The following CACNG6 variants were observed in gnomAD, a reference collection of about 807,000 sequenced individuals.
The protein encoded by CACNG6 is voltage-dependent calcium channel gamma-6 subunit.
Under a neutral mutation model 23.9 loss-of-function variants are expected in CACNG6, and 21 were observed. That is an observed-to-expected ratio of 0.88 (90% CI 0.62 to 1.26). The LOEUF is 1.26. Ranked by LOEUF, CACNG6 falls within the 50% of genes most tolerant of loss-of-function variation. The pLI, the probability that CACNG6 is intolerant of heterozygous loss-of-function variation, is 0.00. For missense variants in CACNG6, 340 were observed against 352.9 expected, an observed-to-expected ratio of 0.96 and a Z score of 0.29; for synonymous variants, 182 against 168.9, an observed-to-expected ratio of 1.08 and a Z score of -0.60.
intron 2 of CACNG6, among the ~76,000 whole-genome samples, chr19:53,999,412 C>G (rs890205523): frequency 6.6e-6 from 1 of 152,180 alleles, no homozygotes; most frequent in Non-Finnish European, 1.5e-5. Context: ...AATCCTGGCC[C>G]TCTCCTCCCT....
In CACNG6 at chr19:53,993,311, G is replaced by T. The variant is rs188518348; in HGVS notation, c.331+103G>T. The T allele has an allele frequency of 3.5e-4, 425 of 1,210,782 alleles. 2 individuals carry two copies. In the East Asian group the frequency reaches 9.8e-3, roughly 28 times the overall value. The allele number at this position is 1,210,782 out of a possible 1,614,324, so 75.0% of individuals were successfully genotyped here. A position where few individuals can be genotyped will look rare whatever the true frequency, so the allele number is the denominator to read the frequency against. On this transcript the variant is annotated intron_variant, in intron 1 of 3. Coordinates refer to ENST00000252729, the MANE Select transcript of CACNG6 (RefSeq NM_145814.2). ...ACCCGCCCCAGGGACAAAAGCCTGA[G>T]CCCGGAGGAGACAGCTTGCCTCGCA...
chr19:53,994,784 C>T (rs1213920448), intron 1 of CACNG6, among the ~76,000 whole-genome samples: 1 of 152,162 alleles, frequency 6.6e-6, no homozygotes, highest in African/African-American at 2.4e-5. Context: ...AGTGGGATGC[C>T]AGGCCCCCCG....
chr19:54,009,065 G>T (rs1402394504), intron 3 of CACNG6, among the ~76,000 whole-genome samples: 1 of 152,180 alleles, frequency 6.6e-6, no homozygotes, highest in East Asian at 1.9e-4. Flanking sequence ...AAGGTGAGTG[G>T]ATCGCTTGAG....
At chr19:53,991,592 TGGGGGGTG>T (rs1329532607), upstream of CACNG6, among the ~76,000 whole-genome samples, 6 of 6,024 alleles carry the variant, frequency 1.0e-3, no homozygotes, top group African/African-American at 4.0e-3. Flanking sequence ...GGGTGGAGGG[TGGGGGGTG>T]GGCGGGTGGG....
chr19:54,011,914 G>A, intron 3 of CACNG6, 37 bp from the exon 4 acceptor site: 2 of 1,367,912 alleles, frequency 1.5e-6, no homozygotes, highest in East Asian at 2.7e-5. Flanking sequence ...AGCTGGGGTC[G>A]CGGGCGTCTG....
intron 2 of CACNG6, 132 bp downstream of exon 2, chr19:53,998,445 C>G: frequency 2.8e-6 from 2 of 708,854 alleles, no homozygotes; most frequent in Non-Finnish European, 4.8e-6. Flanking sequence ...CTGTGGCTGT[C>G]CCCTGGGGAG....
At position 53,999,729 on chromosome 19, in the gene CACNG6, G is replaced by C; in HGVS notation, c.502G>C (p.Glu168Gln). ...CATCATGGTGCTCAGTAAAGGTGCAGAGTTCCTGCTCCGAGTTGGAGCCGT... is the reference window on the plus strand; with the variant it reads ...CATCATGGTGCTCAGTAAAGGTGCACAGTTCCTGCTCCGAGTTGGAGCCGT... ...CIIMVLSKGAEFLLRVGAVCF... is the reference protein window; with the variant it reads ...CIIMVLSKGAQFLLRVGAVCF... Residue 168 changes from glutamate to glutamine, a missense_variant, in exon 3 of 4, where the codon GAG becomes CAG. Transcript: ENST00000252729. 6.2e-7 allele frequency: 1 copy of C among 1,614,146 alleles called. No individual in the cohort carries two copies. The highest frequency in any genetic ancestry group is 1.7e-4 in the Middle Eastern group (1 of 6,056).
chr19:53,991,290 C>G (rs2069455667), upstream of CACNG6, among the ~76,000 whole-genome samples: 1 of 152,060 alleles, frequency 6.6e-6, no homozygotes, highest in East Asian at 1.9e-4. Flanking sequence ...AGGCCCTCCT[C>G]CCTGAGACCC....
intron 3 of CACNG6, among the ~76,000 whole-genome samples, chr19:54,004,974 G>A (rs1441433869): frequency 2.1e-5 from 3 of 144,466 alleles, no homozygotes; most frequent in South Asian, 4.2e-4. Flanking sequence ...CACTTTGGGA[G>A]GCCGAGGCAG....
chr19:54,000,660 C>A (rs902782954), intron 3 of CACNG6, among the ~76,000 whole-genome samples: 2 of 152,042 alleles, frequency 1.3e-5, no homozygotes, highest in African/African-American at 4.8e-5. Flanking sequence ...CTCACTGCAA[C>A]CTCCGCCTGC....
intron 1 of CACNG6, among the ~76,000 whole-genome samples, chr19:53,994,047 C>T (rs1051473248): frequency 2.6e-5 from 4 of 151,818 alleles, no homozygotes; most frequent in Non-Finnish European, 5.9e-5. Flanking sequence ...GGAGACAGCC[C>T]GTGCCCACTC....
At chr19:53,991,634 G>T (rs1327686760), upstream of CACNG6, among the ~76,000 whole-genome samples, 1 of 151,708 alleles carries the variant, frequency 6.6e-6, no homozygotes, top group East Asian at 2.0e-4. Context: ...GCGGGCGGAG[G>T]CCAGGCCGGT....
In CACNG6 at chr19:53,993,113, C is replaced by A. The variant is rs933088105; in HGVS notation, c.236C>A (p.Ala79Asp). The stretch of plus-strand genomic sequence containing the variant: ...AACGGCAGCGCCGTGTGCGAAGCGG[C>A]CCACCTGGGGCTGTGGAAGGCGTGC... The part of the protein sequence containing the change: ...KANGSAVCEA[A>D]HLGLWKACTK... Residue 79 changes from alanine to aspartate, a missense_variant, in exon 1 of 4, where the codon GCC becomes GAC. Physicochemically the swap from Ala to Asp is moderately radical, Grantham distance 126. Transcript: ENST00000252729. The A allele has an allele frequency of 8.4e-6, 13 of 1,546,830 alleles. No individual in the cohort carries two copies. The highest frequency in any genetic ancestry group is 1.1e-5 in the Non-Finnish European group (13 of 1,145,424).
intron 1 of CACNG6, among the ~76,000 whole-genome samples, chr19:53,995,197 C>A (rs2069508545): frequency 6.6e-6 from 1 of 151,980 alleles, no homozygotes; most frequent in African/African-American, 2.4e-5. Flanking sequence ...GGTCAAAGGT[C>A]CTGGGACAAT....
In CACNG6 at chr19:54,012,277, A is replaced by C. The variant is rs1178966949; in HGVS notation, c.*88A>C. The C allele has an allele frequency of 3.5e-6, 2 of 569,680 alleles. No homozygotes were observed. Among genetic ancestry groups the C allele is most frequent in the African/African-American group, 3.8e-5 (2 of 52,224 alleles). 35.3% of individuals were successfully genotyped at this position (569,680 alleles called of 1,614,324 possible). A position where few individuals can be genotyped will look rare whatever the true frequency, so the allele number is the denominator to read the frequency against. On this transcript the variant is annotated 3_prime_UTR_variant, in exon 4 of 4. Transcript: ENST00000252729. The stretch of plus-strand genomic sequence containing the variant: ...AAGATCTTTTTGCCCCATCTCCTAG[A>C]GAAACTGTGTTCTCCCTGCTCGGGG...
chr19:54,005,242 TA>T (rs57863766), intron 3 of CACNG6, among the ~76,000 whole-genome samples: 3 of 102,934 alleles, frequency 2.9e-5, no homozygotes, highest in East Asian at 2.8e-4. Context: ...AATAAATAAA[TA>T]AATAAATAAT....
Position 54,011,952 on chromosome 19 carries a change from C to T in CACNG6, c.546C>T (p.Gly182=). The T allele has an allele frequency of 6.6e-7, 1 of 1,511,152 alleles. No individual in the cohort carries two copies. Among genetic ancestry groups the T allele is most frequent in the Non-Finnish European group, 8.8e-7 (1 of 1,130,200 alleles). The allele number at this position is 1,511,152 out of a possible 1,614,324, so 93.6% of individuals were successfully genotyped here. A position where few individuals can be genotyped will look rare whatever the true frequency, so the allele number is the denominator to read the frequency against. ...RVGAVCFGLS[G]LLLLVSLEVF... is the part of the protein sequence containing the mutation. ...TGCGAGCTGTCCTCTCTCCCGCAGG[C>T]CTGCTGCTCTTGGTGAGCCTGGAGG... The change falls in exon 4 of 4, where the codon GGC becomes GGT. Residue 182 remains glycine, a splice_region_variant and synonymous_variant. Coordinates refer to ENST00000252729, the MANE Select transcript of CACNG6 (RefSeq NM_145814.2).
At chr19:53,995,922 A>G (rs1276689501) in intron 1 of CACNG6, among the ~76,000 whole-genome samples, 4 of 152,202 alleles carry the variant, frequency 2.6e-5, no homozygotes, top group Non-Finnish European at 4.4e-5. Context: ...TCGGCCTCCC[A>G]AAGTGCTGGG....
intron 1 of CACNG6, among the ~76,000 whole-genome samples, chr19:53,997,260 T>A (rs889478958): frequency 1.3e-5 from 2 of 152,196 alleles, no homozygotes; most frequent in Non-Finnish European, 2.9e-5. Context: ...TCCATCTTGC[T>A]TTAGGTTATT....
Sources: allele counts gnomAD v4.1 joint callset (sites outside exome capture counted in the v4.1 genomes callset), GRCh38; gene constraint gnomAD v4.1.1; transcripts MANE v1.5; gene names NCBI Gene and HGNC (gene_info 2026-07-23, HGNC 2026-07-21).